Variants in FMN1 observed in about 807,000 individuals in gnomAD.
FMN1 encodes formin-1.
Under a neutral mutation model 132.4 loss-of-function variants are expected in FMN1, and 110 were observed. The ratio of observed to expected loss-of-function variants is 0.83; its 90% CI spans 0.71 to 0.97. The LOEUF (loss-of-function observed/expected upper bound fraction) is 0.97. Among genes scored for constraint, FMN1 ranks in the 50% least tolerant of loss-of-function variants. FMN1 has a pLI of 0.00. For missense variants in FMN1, 1,792 were observed against 1,705.3 expected (o/e 1.05, Z -0.90); for synonymous variants, 722 against 651.7 (o/e 1.11, Z -1.64).
At chr15:33,113,626 C>T (rs1052124300) in intron 4 of FMN1, among the ~76,000 whole-genome samples, 2 of 152,160 alleles carry the variant, frequency 1.3e-5, no homozygotes, top group Admixed American at 1.3e-4. Flanking sequence ...GCACCTTCCT[C>T]TACAGCCCAC....
intron 16 of FMN1, among the ~76,000 whole-genome samples, chr15:32,880,310 G>C (rs1371673174): frequency 6.6e-6 from 1 of 151,792 alleles, no homozygotes; most frequent in African/African-American, 2.4e-5. Context: ...TTCTGATTTA[G>C]TTTGTTTTCT....
At chr15:32,984,320 A>C (rs143017578) in intron 7 of FMN1, among the ~76,000 whole-genome samples, 49 of 152,300 alleles carry the variant, frequency 3.2e-4, no homozygotes, top group African/African-American at 1.0e-3. Context: ...GTTTTAAAGA[A>C]CACCACCTAT....
At chr15:33,064,825 C>CA in intron 6 of FMN1, 132 bp downstream of exon 6, 1 of 601,388 alleles carries the variant, frequency 1.7e-6, no homozygotes, top group Non-Finnish European at 2.8e-6. Flanking sequence ...ACAGCAAAAC[C>CA]AAAAAGAAAC....
intron 15 of FMN1, among the ~76,000 whole-genome samples, chr15:32,896,105 C>T (rs997599990): frequency 6.6e-6 from 1 of 151,888 alleles, no homozygotes; most frequent in Non-Finnish European, 1.5e-5. Context: ...CAATTTCTTC[C>T]TCTTACCAAT....
At chr15:33,176,218 C>T (rs1026549266) in intron 3 of FMN1, among the ~76,000 whole-genome samples, 1 of 152,068 alleles carries the variant, frequency 6.6e-6, no homozygotes, top group East Asian at 1.9e-4. Flanking sequence ...TCTAAAAATA[C>T]AAAAGTTAGC....
chr15:33,082,898 T>G (rs1001920428), intron 5 of FMN1, among the ~76,000 whole-genome samples: 2 of 152,040 alleles, frequency 1.3e-5, no homozygotes, highest in Non-Finnish European at 2.9e-5. Flanking sequence ...ACCAAAAAAT[T>G]TTGTAATATA....
intron 6 of FMN1, among the ~76,000 whole-genome samples, chr15:33,046,138 T>C (rs891182743): frequency 6.6e-6 from 1 of 152,154 alleles, no homozygotes; most frequent in African/African-American, 2.4e-5. Context: ...TGTGAAAATA[T>C]CAATCTCTAG....
chr15:33,144,753 T>G (rs1211042564), intron 4 of FMN1, among the ~76,000 whole-genome samples: 2 of 152,100 alleles, frequency 1.3e-5, no homozygotes, highest in East Asian at 3.9e-4. Context: ...TGTAGCAGCT[T>G]TAATCAAGAA....
intron 4 of FMN1, among the ~76,000 whole-genome samples, chr15:33,127,987 G>A (rs1041469191): frequency 4.6e-5 from 7 of 152,160 alleles, no homozygotes; most frequent in African/African-American, 7.2e-5. Context: ...GGTAACAGAA[G>A]GGCAACGGGG....
chr15:32,863,896 T>C (rs1465827286), intron 16 of FMN1, among the ~76,000 whole-genome samples: 3 of 152,230 alleles, frequency 2.0e-5, no homozygotes, highest in Non-Finnish European at 4.4e-5. Flanking sequence ...TCTTATGGCA[T>C]TGGCCTTAAA....
intron 9 of FMN1, among the ~76,000 whole-genome samples, chr15:32,933,766 C>T (rs1462257886): frequency 6.6e-6 from 1 of 152,028 alleles, no homozygotes; most frequent in Non-Finnish European, 1.5e-5. Context: ...GGCCACCCTG[C>T]TGTCTTTTGG....
chr15:32,787,200 C>T (rs2056909738), intron 19 of FMN1, among the ~76,000 whole-genome samples: 2 of 152,138 alleles, frequency 1.3e-5, no homozygotes, highest in African/African-American at 4.8e-5. Flanking sequence ...GAAATTTTTT[C>T]CTTGCTGCAG....
chr15:33,056,316 T>G (rs988552401), intron 6 of FMN1, among the ~76,000 whole-genome samples: 4 of 152,200 alleles, frequency 2.6e-5, no homozygotes, highest in African/African-American at 7.2e-5. Flanking sequence ...AAAGTTTAAT[T>G]GAGCAAAGGA....
At chr15:32,798,976 T>C in intron 18 of FMN1, 23 bp from the exon 19 acceptor site, 1 of 1,609,526 alleles carries the variant, frequency 6.2e-7, no homozygotes, top group African/African-American at 1.3e-5. Context: ...GGGGGGAAAA[T>C]GGAATGAGGT....
chr15:32,869,273 A>C (rs892591018), intron 16 of FMN1, among the ~76,000 whole-genome samples: 1 of 151,332 alleles, frequency 6.6e-6, no homozygotes, highest in Non-Finnish European at 1.5e-5. Flanking sequence ...CTGGGCCCCA[A>C]AGGTATCCCA....
In FMN1 at chr15:33,082,880, TA is replaced by T. The variant is rs551158839; in HGVS notation, c.2043+5918del. Among the ~76,000 whole-genome samples, 568 of 152,020 alleles carry T rather than the reference TA, an allele frequency of 3.7e-3. 4 individuals carry two copies. The highest frequency in any genetic ancestry group is 0.011 in the African/African-American group (447 of 41,476). On this transcript the variant is annotated intron_variant, in intron 5 of 20. Transcript: ENST00000616417. Reference sequence around the variant, plus strand: ...ACCCAGTTAAATATGAATTTTAGATTAAAAAAAACCAAAAAATTTTGTAATA... The same window carrying T: ...ACCCAGTTAAATATGAATTTTAGATTAAAAAAACCAAAAAATTTTGTAATA...
chr15:32,818,249 T>C (rs887875242), intron 17 of FMN1, among the ~76,000 whole-genome samples: 1 of 152,162 alleles, frequency 6.6e-6, no homozygotes, highest in South Asian at 2.1e-4. Flanking sequence ...GGTCAACTTC[T>C]AAATGAATAC....
chr15:32,988,635 A>G (rs1044110970), intron 7 of FMN1, among the ~76,000 whole-genome samples: 3 of 152,226 alleles, frequency 2.0e-5, no homozygotes, highest in African/African-American at 7.2e-5. Flanking sequence ...TGGTGCTTCT[A>G]TCAGTTTCCT....
chr15:33,188,056 C>T (rs904210358), intron 2 of FMN1, among the ~76,000 whole-genome samples: 2 of 152,068 alleles, frequency 1.3e-5, no homozygotes, highest in African/African-American at 2.4e-5. Context: ...CAACTTTGGC[C>T]GGGCACGGTG....
Sources: gnomAD v4.1 joint callset for allele counts (sites outside exome capture counted in the v4.1 genomes callset) on GRCh38, gnomAD v4.1.1 for gene constraint, MANE v1.5 for transcripts, NCBI Gene and HGNC (gene_info 2026-07-23, HGNC 2026-07-21) for gene names.